TMEM117: variants seen among roughly 807,000 people sequenced by gnomAD.
The protein encoded by TMEM117 is transmembrane protein 117.
A neutral mutation model predicts 52.4 loss-of-function variants in TMEM117; 27 were observed. That is an observed-to-expected ratio of 0.51 (90% CI 0.38 to 0.71). The LOEUF (loss-of-function observed/expected upper bound fraction) is 0.71. Among genes scored for constraint, TMEM117 ranks in the 30% least tolerant of loss-of-function variants. The pLI is 0.00. For missense variants in TMEM117, 556 were observed against 630.5 expected, an observed-to-expected ratio of 0.88 and a Z score of 1.26; for synonymous variants, 215 against 206.3, an observed-to-expected ratio of 1.04 and a Z score of -0.36.
intron 4 of TMEM117, among the ~76,000 whole-genome samples, chr12:44,197,609 G>A (rs1038540803): frequency 3.3e-5 from 5 of 152,038 alleles, no homozygotes; most frequent in African/African-American, 1.2e-4. Context: ...TCAATGTGGT[G>A]GAAAGCAAAT....
intron 3 of TMEM117, among the ~76,000 whole-genome samples, chr12:44,138,166 G>A (rs1948519238): frequency 6.6e-6 from 1 of 152,018 alleles, no homozygotes; most frequent in Non-Finnish European, 1.5e-5. Flanking sequence ...TCTCCAGTAT[G>A]CCCTGTTTCT....
chr12:44,318,767 G>A (rs1297287418), intron 6 of TMEM117, among the ~76,000 whole-genome samples: 1 of 152,134 alleles, frequency 6.6e-6, no homozygotes, highest in Non-Finnish European at 1.5e-5. Context: ...GCCTAGGCAT[G>A]GAGCAGAGAG....
the TMEM117 span, among the ~76,000 whole-genome samples, chr12:43,799,186 C>A: frequency 1.3e-5 from 2 of 152,100 alleles, no homozygotes; most frequent in South Asian, 4.2e-4. Context: ...ATAGGAAAAG[C>A]TATTTATAAA....
chr12:43,907,823 C>T (rs1260348637), intron 2 of TMEM117, among the ~76,000 whole-genome samples: 1 of 135,652 alleles, frequency 7.4e-6, no homozygotes, highest in African/African-American at 2.5e-5. Context: ...ATGAGCAAAG[C>T]CTCCAAGAAA....
chr12:44,093,415 T>C (rs2138050532), intron 3 of TMEM117, among the ~76,000 whole-genome samples: 1 of 152,286 alleles, frequency 6.6e-6, no homozygotes, highest in East Asian at 1.9e-4. Flanking sequence ...TTTGCGTATA[T>C]AATTTCATTC....
Position 44,234,483 on chromosome 12 carries a change from C to T in TMEM117, c.608+23096C>T, listed in dbSNP as rs868284547. ...TCATTCCTAATATTGGTTATGTGTG[C>T]TTCTTTTCTTCATTATTATTTTCTA... On this transcript the variant is annotated intron_variant, in intron 5 of 7. Coordinates refer to ENST00000266534, the MANE Select transcript of TMEM117 (RefSeq NM_032256.3). Among the ~76,000 whole-genome samples the T allele has an allele frequency of 3.3e-5, 5 of 150,924 alleles. No homozygotes were observed. The Middle Eastern group carries it at 0.01, about 314-fold the overall frequency.
the TMEM117 span, among the ~76,000 whole-genome samples, chr12:43,822,646 T>C: frequency 6.6e-6 from 1 of 152,186 alleles, no homozygotes; most frequent in African/African-American, 2.4e-5. Flanking sequence ...TCTATTATTT[T>C]TCTATCAGAT....
intron 3 of TMEM117, among the ~76,000 whole-genome samples, chr12:44,140,503 C>T (rs924080155): frequency 4.3e-4 from 65 of 152,038 alleles, no homozygotes; most frequent in African/African-American, 1.5e-3. Context: ...TTCTTCTGGA[C>T]AGTTTTTTCT....
chr12:44,288,420 A>G (rs1015094383), intron 5 of TMEM117, among the ~76,000 whole-genome samples: 6 of 152,162 alleles, frequency 3.9e-5, no homozygotes, highest in Non-Finnish European at 8.8e-5. Flanking sequence ...GGTACCAGTA[A>G]CTGTTTCCTG....
intron 5 of TMEM117, among the ~76,000 whole-genome samples, chr12:44,237,265 A>G (rs777631226): frequency 1.8e-4 from 28 of 151,988 alleles, no homozygotes; most frequent in Non-Finnish European, 3.2e-4. Context: ...GATGTGACAG[A>G]CGTCATTTCT....
intron 2 of TMEM117, among the ~76,000 whole-genome samples, chr12:43,940,009 G>T (rs894427588): frequency 6.6e-6 from 1 of 152,160 alleles, no homozygotes; most frequent in African/African-American, 2.4e-5. Context: ...GCACAGGAAA[G>T]ATTCGCCTCC....
chr12:44,049,872 A>G (rs114008359), intron 3 of TMEM117, among the ~76,000 whole-genome samples: 54 of 152,314 alleles, frequency 3.5e-4, no homozygotes, highest in African/African-American at 1.1e-3. Flanking sequence ...TTTAGATTCT[A>G]CCACTTTGCA....
In TMEM117 at chr12:44,152,407, CAT is replaced by C. The variant is rs1434458346; in HGVS notation, c.510+8789_510+8790del. Reference sequence around the variant, plus strand: ...ATATATTTATATATAATATTTATATCATATATAAATTTCTATATTTATATATT... The same window carrying C: ...ATATATTTATATATAATATTTATATCATATAAATTTCTATATTTATATATT... On this transcript the variant is annotated intron_variant, in intron 4 of 7. Transcript: ENST00000266534. Among the ~76,000 whole-genome samples the C allele has an allele frequency of 1.4e-3, 144 of 103,814 alleles. 1 individual carries two copies. The highest frequency in any genetic ancestry group is 5.6e-3 in the African/African-American group (133 of 23,956). The allele number at this position is 103,814 out of a possible 152,430, so 68.1% of individuals were successfully genotyped here. A position where few individuals can be genotyped will look rare whatever the true frequency, so the allele number is the denominator to read the frequency against.
chr12:44,034,403 T>C (rs1592459074), intron 3 of TMEM117, among the ~76,000 whole-genome samples: 1 of 152,194 alleles, frequency 6.6e-6, no homozygotes, highest in Non-Finnish European at 1.5e-5. Flanking sequence ...GGTATAGCAT[T>C]GGTATTAGAT....
chr12:44,012,649 G>A (rs1246393469), intron 3 of TMEM117, among the ~76,000 whole-genome samples: 2 of 151,664 alleles, frequency 1.3e-5, no homozygotes, highest in Non-Finnish European at 2.9e-5. Context: ...TTGATCTGTA[G>A]CATTTAAAAA....
At chr12:44,066,850 C>T (rs539359518) in intron 3 of TMEM117, among the ~76,000 whole-genome samples, 8 of 152,214 alleles carry the variant, frequency 5.3e-5, no homozygotes, top group Admixed American at 3.3e-4. Context: ...CATCAATTGA[C>T]GCTTCTTTTC....
intron 6 of TMEM117, among the ~76,000 whole-genome samples, chr12:44,334,816 T>C (rs1404872992): frequency 6.6e-6 from 1 of 152,006 alleles, no homozygotes; most frequent in Non-Finnish European, 1.5e-5. Flanking sequence ...CATGAGTATC[T>C]GATTCATGAT....
intron 6 of TMEM117, among the ~76,000 whole-genome samples, chr12:44,318,679 C>T (rs2138692977): frequency 6.6e-6 from 1 of 151,828 alleles, no homozygotes; most frequent in Non-Finnish European, 1.5e-5. Context: ...GCAGAGAGGA[C>T]CCCACTGCAT....
chr12:44,093,569 AAAC>A (rs1302957477), intron 3 of TMEM117, among the ~76,000 whole-genome samples: 1 of 152,160 alleles, frequency 6.6e-6, no homozygotes, highest in African/African-American at 2.4e-5. Flanking sequence ...TGTTAACAAA[AAAC>A]CATGTTTGAT....
Sources: allele counts gnomAD v4.1 joint callset (sites outside exome capture counted in the v4.1 genomes callset), GRCh38; gene constraint gnomAD v4.1.1; transcripts MANE v1.5; gene names NCBI Gene and HGNC (gene_info 2026-07-23, HGNC 2026-07-21).